The following CDH11 variants were observed in gnomAD, a reference collection of about 807,000 sequenced individuals.
CDH11 encodes the protein cadherin-11.
Under a neutral mutation model 67.8 loss-of-function variants are expected in CDH11, and 11 were observed. The observed-to-expected ratio is 0.16, with a 90% CI of 0.10 to 0.27. The LOEUF is 0.27. Ranked by LOEUF, CDH11 falls within the 10% of genes least tolerant of loss-of-function variation. The pLI is 1.00. For synonymous variants in CDH11, 419 were observed against 400.0 expected, an observed-to-expected ratio of 1.05 and a Z score of -0.57; for missense variants, 847 against 1,031.2, an observed-to-expected ratio of 0.82 and a Z score of 2.45.
chr16:65,002,794 TC>T (rs1270291442), intron 3 of CDH11, among the ~76,000 whole-genome samples: 1 of 152,210 alleles, frequency 6.6e-6, no homozygotes. Context: ...TAATTCCTGT[TC>T]ATCTTTTAGG....
chr16:65,025,556 TGG>T (rs1413113210), intron 2 of CDH11, among the ~76,000 whole-genome samples: 2 of 152,170 alleles, frequency 1.3e-5, no homozygotes, highest in African/African-American at 4.8e-5. Flanking sequence ...TTGGCCAGAC[TGG>T]TCTTGAACTC....
At chr16:65,120,800 C>CA (rs1053126961) in intron 1 of CDH11, among the ~76,000 whole-genome samples, 2 of 152,026 alleles carry the variant, frequency 1.3e-5, no homozygotes, top group Admixed American at 6.6e-5. Flanking sequence ...AGGGCCTCGG[C>CA]AAAAAAACGG....
chr16:65,050,679 GT>G (rs999962423), intron 2 of CDH11, among the ~76,000 whole-genome samples: 1 of 151,792 alleles, frequency 6.6e-6, no homozygotes, highest in African/African-American at 2.4e-5. Context: ...GCTGTTTTAT[GT>G]TTTGTTTTGT....
At chr16:64,966,317 T>C (rs1416744852) in intron 11 of CDH11, among the ~76,000 whole-genome samples, 2 of 151,986 alleles carry the variant, frequency 1.3e-5, no homozygotes, top group Admixed American at 6.6e-5. Flanking sequence ...AATTGATCCA[T>C]AAATTTAAGA....
In CDH11 at chr16:64,947,676, T is replaced by C; in HGVS notation, c.2318A>G (p.Gln773Arg). ...TDSDLDYDYL[Q>R]NWGPRFKKLA... ...TTTCTTAAAACGAGGTCCCCAGTTC[T>C]GTAGATAATCATAGTCCAAGTCTGA... The change falls in exon 13 of 13, where the codon CAG (glutamine) becomes CGG (arginine). Residue 773 changes from glutamine to arginine, a missense_variant. By Grantham distance (43) the Gln-to-Arg change is conservative. This residue lies in a region of CDH11 where 612 missense variants were observed against 678.7 expected (regional missense o/e 0.90). Transcript: ENST00000268603. 6.2e-7 allele frequency: 1 copy of C among 1,614,196 alleles called. No individual in the cohort carries two copies. Among genetic ancestry groups the C allele is most frequent in the Non-Finnish European group, 8.5e-7 (1 of 1,180,012 alleles).
Position 64,946,506 on chromosome 16 carries a change from T to C in CDH11, c.*1097A>G. 1.9e-6 allele frequency: 2 copies of C among 1,030,910 alleles called. No individual in the cohort carries two copies. The highest frequency in any genetic ancestry group is 1.2e-6 in the Non-Finnish European group (1 of 857,204). 63.9% of individuals were successfully genotyped at this position (1,030,910 alleles called of 1,614,324 possible). A position where few individuals can be genotyped will look rare whatever the true frequency, so the allele number is the denominator to read the frequency against. On this transcript the variant is annotated 3_prime_UTR_variant, in exon 13 of 13. Transcript: ENST00000268603. ...ATTGCAAAGTCATAGACTGACCTAG[T>C]TCTTTCACATCCTTCTTTTTTAGAA...
intron 8 of CDH11, among the ~76,000 whole-genome samples, chr16:64,974,108 C>T (rs565537811): frequency 6.6e-5 from 10 of 152,142 alleles, no homozygotes; most frequent in South Asian, 4.1e-4. Flanking sequence ...TGGGAGATGG[C>T]GGAAGAATGG....
At chr16:65,076,512 A>T (rs2074511871) in intron 1 of CDH11, among the ~76,000 whole-genome samples, 1 of 152,220 alleles carries the variant, frequency 6.6e-6, no homozygotes, top group African/African-American at 2.4e-5. Flanking sequence ...CCTTTGATCC[A>T]GCCCATCCTG....
chr16:65,032,454 C>T (rs2073662203), intron 2 of CDH11, among the ~76,000 whole-genome samples: 1 of 151,854 alleles, frequency 6.6e-6, no homozygotes. Context: ...TGCGCCACTA[C>T]ACTCCAGCCT....
At chr16:65,080,086 G>T (rs141490781) in intron 1 of CDH11, among the ~76,000 whole-genome samples, 2 of 151,938 alleles carry the variant, frequency 1.3e-5, no homozygotes, top group Non-Finnish European at 2.9e-5. Flanking sequence ...ATGCAATTGA[G>T]ATTTTTCTTC....
At chr16:65,030,475 A>C (rs1317121282) in intron 2 of CDH11, among the ~76,000 whole-genome samples, 1 of 152,188 alleles carries the variant, frequency 6.6e-6, no homozygotes, top group Admixed American at 6.5e-5. Context: ...CTTTTTAACT[A>C]TCTTCCTATG....
Position 65,068,808 on chromosome 16 carries a change from C to T in CDH11, c.-297-14880G>A, listed in dbSNP as rs985714893. Among the ~76,000 whole-genome samples, 16 of 152,190 alleles carry T rather than the reference C, an allele frequency of 1.1e-4. 1 individual carries two copies. In the South Asian group the frequency reaches 1.5e-3, roughly 14 times the overall value. On this transcript the variant is annotated intron_variant, in intron 1 of 12. Transcript: ENST00000268603. The stretch of plus-strand genomic sequence containing the variant: ...TCTTGTTTTGTCTCTCAGTTAAATG[C>T]CACCCATTTTCAGAAATAAGAAAAA...
At chr16:65,119,541 A>G (rs2075291968) in intron 1 of CDH11, among the ~76,000 whole-genome samples, 1 of 152,172 alleles carries the variant, frequency 6.6e-6, no homozygotes, top group South Asian at 2.1e-4. Flanking sequence ...ACTATTTTAA[A>G]AGCTTATTTT....
chr16:64,971,760 T>A (rs2072011394), intron 10 of CDH11, 64 bp from the exon 11 acceptor site: 1 of 1,435,064 alleles, frequency 7.0e-7, no homozygotes, highest in Non-Finnish European at 9.8e-7. Context: ...TATTCAAAAA[T>A]TTCTGGCTGG....
chr16:65,101,300 G>T (rs1236489165), intron 1 of CDH11, among the ~76,000 whole-genome samples: 1 of 152,112 alleles, frequency 6.6e-6, no homozygotes, highest in Non-Finnish European at 1.5e-5. Flanking sequence ...CACAAGCAGA[G>T]CACCACAGCC....
At position 65,093,193 on chromosome 16, in the gene CDH11, C is replaced by G. The variant is rs144788329; in HGVS notation, c.-298+28687G>C. Among the ~76,000 whole-genome samples the G allele has an allele frequency of 5.4e-3, 813 of 149,988 alleles. 10 individuals carry two copies. Among genetic ancestry groups the G allele is most frequent in the African/African-American group, 0.018 (754 of 40,876 alleles). On this transcript the variant is annotated intron_variant, in intron 1 of 12. Coordinates refer to ENST00000268603, the MANE Select transcript of CDH11 (RefSeq NM_001797.4). ...CCTCAAGTGACCTGCCTGCCTTGGC[C>G]TCCCAGTGTTGGGTTCCTTTTTTTT...
In CDH11 at chr16:65,084,296, C is replaced by T. The variant is rs2074659792; in HGVS notation, c.-297-30368G>A. 2.0e-5 allele frequency among the ~76,000 whole-genome samples: 3 copies of T among 146,696 alleles called. No individual in the cohort carries two copies. In the South Asian group the frequency reaches 6.5e-4, roughly 32 times the overall value. On this transcript the variant is annotated intron_variant, in intron 1 of 12. Coordinates refer to ENST00000268603, the MANE Select transcript of CDH11 (RefSeq NM_001797.4). ...TTGAGCCCAGGAGTTGGAGACCTGC[C>T]TGGGCAAACATTAGTTGCACATGGG...
At chr16:64,998,373 AT>A (rs746786849) in intron 4 of CDH11, among the ~76,000 whole-genome samples, 188 bp downstream of exon 4, 32 of 152,252 alleles carry the variant, frequency 2.1e-4, no homozygotes, top group Non-Finnish European at 4.0e-4. Context: ...TATTATCTCT[AT>A]TCCTACAAGA....
intron 5 of CDH11, among the ~76,000 whole-genome samples, chr16:64,992,573 T>C (rs2072655853): frequency 6.6e-6 from 1 of 152,252 alleles, no homozygotes; most frequent in African/African-American, 2.4e-5. Context: ...TGGAAGCTTT[T>C]TCTCTCTGTA....
Sources: gnomAD v4.1 joint callset for allele counts (sites outside exome capture counted in the v4.1 genomes callset) on GRCh38, gnomAD v4.1.1 for gene constraint, gnomAD v4.1.1 regional missense constraint, MANE v1.5 for transcripts, NCBI Gene and HGNC (gene_info 2026-07-23, HGNC 2026-07-21) for gene names.